ATXN2: variants seen among roughly 807,000 people sequenced by gnomAD.
The protein encoded by ATXN2 is ataxin 2.
A neutral mutation model predicts 138.6 loss-of-function variants in ATXN2; 37 were observed. The observed-to-expected ratio is 0.27, with a 90% CI of 0.21 to 0.35. The LOEUF is 0.35. Among genes scored for constraint, ATXN2 ranks in the 10% least tolerant of loss-of-function variants. The pLI is 1.00. For missense variants in ATXN2, 1,216 were observed against 1,480.3 expected, an observed-to-expected ratio of 0.82 and a Z score of 2.93; for synonymous variants, 549 against 543.7, an observed-to-expected ratio of 1.01 and a Z score of -0.13.
Position 111,516,433 on chromosome 12 carries a change from A to G in ATXN2, c.1166-70T>C, listed in dbSNP as rs1417392207. 6 of 1,340,546 alleles carry G rather than the reference A, an allele frequency of 4.5e-6. No homozygotes were observed. The highest frequency in any genetic ancestry group is 6.1e-6 in the Non-Finnish European group (6 of 983,014). 83.0% of individuals were successfully genotyped at this position (1,340,546 alleles called of 1,614,324 possible). On this transcript the variant is annotated intron_variant, in intron 9 of 24. Transcript: ENST00000673436. The surrounding 1 kb of genome is among the most constrained non-coding windows in gnomAD (Gnocchi z 5.0). ...AAAAATGAGGGAAAAAAGTAAACAG[A>G]AAAAAAGTAAAATGACAAAAATGAT...
In ATXN2 at chr12:111,527,964, T is replaced by C. The variant is rs531869468; in HGVS notation, c.572-2648A>G. ...TCCAAGAAAACATCAAATAATAACC[T>C]ACCTTAAGATCCTGAAATCCCTTTA... is the stretch of plus-strand genomic sequence containing the variant. On this transcript the variant is annotated intron_variant, in intron 5 of 24. Transcript: ENST00000673436. Among the ~76,000 whole-genome samples, 18 of 152,306 alleles carry C rather than the reference T, an allele frequency of 1.2e-4. No individual in the cohort carries two copies. In the South Asian group the frequency reaches 3.5e-3, roughly 30 times the overall value.
chr12:111,546,640 G>A (rs1294530420), intron 5 of ATXN2, among the ~76,000 whole-genome samples: 1 of 151,970 alleles, frequency 6.6e-6, no homozygotes, highest in Non-Finnish European at 1.5e-5. Context: ...AGGAAGAGCA[G>A]AAAGAAAATG....
At chr12:111,495,043 C>T (rs981592776) in intron 14 of ATXN2, among the ~76,000 whole-genome samples, 1 of 152,132 alleles carries the variant, frequency 6.6e-6, no homozygotes, top group Non-Finnish European at 1.5e-5. Context: ...CGGTGGCTCA[C>T]GCCTGTAATC....
chr12:111,459,676 G>A, intron 21 of ATXN2, among the ~76,000 whole-genome samples: 1 of 152,084 alleles, frequency 6.6e-6, no homozygotes, highest in East Asian at 1.9e-4. Context: ...CTGGCCTCAA[G>A]TGATCCATCC....
At position 111,552,986 on chromosome 12, in the gene ATXN2, A is replaced by G; in HGVS notation, c.349-9T>C. 6.6e-7 allele frequency: 1 copy of G among 1,519,816 alleles called. No individual in the cohort carries two copies. Among genetic ancestry groups the G allele is most frequent in the Non-Finnish European group, 8.8e-7 (1 of 1,132,568 alleles). 94.1% of individuals were successfully genotyped at this position (1,519,816 alleles called of 1,614,324 possible). A position where few individuals can be genotyped will look rare whatever the true frequency, so the allele number is the denominator to read the frequency against. On this transcript the variant is annotated splice_polypyrimidine_tract_variant and intron_variant, in intron 3 of 24. Coordinates refer to ENST00000673436, the MANE Select transcript of ATXN2 (RefSeq NM_001372574.1). This position sits in a 1 kb window ranked among gnomAD's most constrained non-coding sequence, Gnocchi z 4.1. Reference sequence around the variant, plus strand: ...ACTTCACATTTGGAGCCCTAAAAACATATAATTTATTTATCAAAGAAACAG... The same window carrying G: ...ACTTCACATTTGGAGCCCTAAAAACGTATAATTTATTTATCAAAGAAACAG...
intron 1 of ATXN2, among the ~76,000 whole-genome samples, chr12:111,594,124 T>G (rs966259378): frequency 3.3e-5 from 5 of 152,200 alleles, no homozygotes; most frequent in African/African-American, 1.2e-4. Flanking sequence ...TGTCTCATTG[T>G]CTGCCTAGTC....
chr12:111,487,026 A>G (rs1349852760), intron 15 of ATXN2, among the ~76,000 whole-genome samples: 3 of 152,166 alleles, frequency 2.0e-5, no homozygotes, highest in Non-Finnish European at 2.9e-5. Context: ...TAAAAGAACA[A>G]TTTTTTAAAA....
At chr12:111,510,137 G>T in intron 12 of ATXN2, 139 bp from the exon 13 acceptor site, 1 of 748,600 alleles carries the variant, frequency 1.3e-6, no homozygotes, top group Non-Finnish European at 2.1e-6. Flanking sequence ...CTTTGCAGAT[G>T]TCATATGAAA....
chr12:111,533,985 T>C (rs1184422039), intron 5 of ATXN2, among the ~76,000 whole-genome samples: 2 of 152,104 alleles, frequency 1.3e-5, no homozygotes, highest in Non-Finnish European at 2.9e-5. Context: ...AATCATTGTC[T>C]ATGGTATCAT....
chr12:111,559,649 G>A (rs1461860151), intron 1 of ATXN2, among the ~76,000 whole-genome samples: 1 of 151,324 alleles, frequency 6.6e-6, no homozygotes, highest in Non-Finnish European at 1.5e-5. Flanking sequence ...GTGCACACCT[G>A]TAATCCCAGA....
intron 5 of ATXN2, among the ~76,000 whole-genome samples, chr12:111,527,754 A>C (rs1256543286): frequency 6.6e-6 from 1 of 152,184 alleles, no homozygotes; most frequent in Non-Finnish European, 1.5e-5. Context: ...TCTCTCTAAG[A>C]GATTCTAAGA....
intron 21 of ATXN2, among the ~76,000 whole-genome samples, chr12:111,461,947 C>G (rs1277024085): frequency 6.7e-6 from 1 of 148,470 alleles, no homozygotes; most frequent in African/African-American, 2.5e-5. Flanking sequence ...AAAAAGGAAC[C>G]AAGATAAGGT....
chr12:111,507,658 T>G (rs1011256831), intron 14 of ATXN2, among the ~76,000 whole-genome samples: 1 of 152,218 alleles, frequency 6.6e-6, no homozygotes, highest in Admixed American at 6.5e-5. Flanking sequence ...GTCTGGGAGG[T>G]GTACCCAACA....
intron 6 of ATXN2, among the ~76,000 whole-genome samples, chr12:111,521,342 TG>T (rs1389960319): frequency 1.3e-5 from 2 of 152,218 alleles, no homozygotes; most frequent in Non-Finnish European, 2.9e-5. Flanking sequence ...CTCAGGTCTG[TG>T]GAGGACAGGA....
At chr12:111,460,118 G>A (rs1183978264) in intron 21 of ATXN2, among the ~76,000 whole-genome samples, 3 of 152,258 alleles carry the variant, frequency 2.0e-5, no homozygotes, top group African/African-American at 7.2e-5. Flanking sequence ...GTCTCGCTCT[G>A]TTGCCCAGGG....
At position 111,592,514 on chromosome 12, in the gene ATXN2, G is replaced by A. The variant is rs961261423; in HGVS notation, c.251+6270C>T. On this transcript the variant is annotated intron_variant, in intron 1 of 24. Coordinates refer to ENST00000673436, the MANE Select transcript of ATXN2 (RefSeq NM_001372574.1). ...AGATACGGCAGCGGCCAAGCACGGT[G>A]GCTCATGCCTGTAATCCCAGAACTT... Among the ~76,000 whole-genome samples, 47 of 152,002 alleles carry A rather than the reference G, an allele frequency of 3.1e-4. 1 individual carries two copies. Among genetic ancestry groups the A allele is most frequent in the Middle Eastern group, 3.4e-3 (1 of 294 alleles).
At chr12:111,584,559 G>A (rs998077064) in intron 1 of ATXN2, among the ~76,000 whole-genome samples, 5 of 152,054 alleles carry the variant, frequency 3.3e-5, no homozygotes, top group Non-Finnish European at 5.9e-5. Context: ...GCAGCTGGGT[G>A]CAGTGGCTCA....
At chr12:111,597,796 C>T (rs1271213699) in intron 1 of ATXN2, 1 of 1,183,328 alleles carries the variant, frequency 8.5e-7, no homozygotes, top group East Asian at 5.7e-5. Flanking sequence ...CAATCTCTCT[C>T]TCCTAGCATT....
intron 14 of ATXN2, among the ~76,000 whole-genome samples, chr12:111,505,938 C>T (rs1260485327): frequency 6.6e-6 from 1 of 152,154 alleles, no homozygotes; most frequent in Non-Finnish European, 1.5e-5. Flanking sequence ...GAGAACACCA[C>T]AAATAGCTAC....
Sources: gnomAD v4.1 joint callset for allele counts (sites outside exome capture counted in the v4.1 genomes callset) on GRCh38, gnomAD v4.1.1 for gene constraint, Gnocchi (gnomAD v3.1) non-coding constraint, MANE v1.5 for transcripts, NCBI Gene and HGNC (gene_info 2026-07-23, HGNC 2026-07-21) for gene names.